SEMA5A: variants seen among roughly 807,000 people sequenced by gnomAD.
SEMA5A encodes the protein semaphorin 5A.
In SEMA5A, 55 loss-of-function variants were observed where a neutral mutation model predicts 135.5. The ratio of observed to expected loss-of-function variants is 0.41; its 90% CI spans 0.33 to 0.51. SEMA5A has a LOEUF of 0.51. Among genes scored for constraint, SEMA5A ranks in the 20% least tolerant of loss-of-function variants. SEMA5A has a pLI of 0.37. For missense variants in SEMA5A, 1,290 were observed against 1,419.9 expected (o/e 0.91, Z 1.47); for synonymous variants, 580 against 546.5 (o/e 1.06, Z -0.85).
intron 1 of SEMA5A, among the ~76,000 whole-genome samples, chr5:9,518,937 C>G (rs1736670348): frequency 6.6e-6 from 1 of 151,456 alleles, no homozygotes; most frequent in Non-Finnish European, 1.5e-5. Flanking sequence ...TTTTTTTAAG[C>G]TTGATAAGCA....
At chr5:9,535,743 T>C (rs1489916595) in intron 1 of SEMA5A, among the ~76,000 whole-genome samples, 1 of 151,928 alleles carries the variant, frequency 6.6e-6, no homozygotes, top group Non-Finnish European at 1.5e-5. Flanking sequence ...TTAAGAAGCA[T>C]AGCCTGGAAA....
chr5:9,487,186 T>C (rs1734778471), intron 1 of SEMA5A, among the ~76,000 whole-genome samples: 1 of 152,146 alleles, frequency 6.6e-6, no homozygotes, highest in Non-Finnish European at 1.5e-5. Context: ...AATCAAAAAA[T>C]TAATAACAAT....
chr5:9,193,878 C>A (rs538149480), intron 10 of SEMA5A, among the ~76,000 whole-genome samples: 3 of 152,320 alleles, frequency 2.0e-5, no homozygotes, highest in Admixed American at 6.5e-5. Context: ...GCCTGGGCAA[C>A]AGAGCAAGAC....
chr5:9,117,542 G>C (rs1380139862), intron 15 of SEMA5A, among the ~76,000 whole-genome samples: 1 of 152,118 alleles, frequency 6.6e-6, no homozygotes, highest in African/African-American at 2.4e-5. Flanking sequence ...ATACACAAAG[G>C]CTGGATGTAG....
chr5:9,485,272 AGATGTGTTTAAC>A (rs1264920066), intron 1 of SEMA5A, among the ~76,000 whole-genome samples: 2 of 151,018 alleles, frequency 1.3e-5, no homozygotes, highest in East Asian at 3.9e-4. Context: ...AAAAAAAAAT[AGATGTGTTTAAC>A]GAGAAATTTC....
intron 12 of SEMA5A, among the ~76,000 whole-genome samples, chr5:9,154,109 G>A (rs1381066665): frequency 7.8e-6 from 1 of 127,714 alleles, no homozygotes; most frequent in Non-Finnish European, 1.7e-5. Context: ...GTGTGTGTAT[G>A]TGTGTGTATG....
chr5:9,541,173 T>G (rs1738063247), intron 1 of SEMA5A, among the ~76,000 whole-genome samples: 2 of 152,206 alleles, frequency 1.3e-5, no homozygotes, highest in African/African-American at 2.4e-5. Flanking sequence ...TTACTTAATT[T>G]CACGTCTCAA....
At chr5:9,182,188 G>T (rs1319431782) in intron 11 of SEMA5A, among the ~76,000 whole-genome samples, 1 of 147,082 alleles carries the variant, frequency 6.8e-6, no homozygotes, top group Non-Finnish European at 1.5e-5. Flanking sequence ...CTGAGGACAG[G>T]GTGTCTGTCT....
Position 9,448,442 on chromosome 5 carries a change from T to A in SEMA5A, c.-174-10590A>T, listed in dbSNP as rs1758513300. 3.3e-5 allele frequency among the ~76,000 whole-genome samples: 5 copies of A among 152,136 alleles called. No individual in the cohort carries two copies. In the South Asian group the frequency reaches 1.0e-3, roughly 32 times the overall value. On this transcript the variant is annotated intron_variant, in intron 1 of 22. Coordinates refer to ENST00000382496, the MANE Select transcript of SEMA5A (RefSeq NM_003966.3). The stretch of plus-strand genomic sequence containing the variant: ...CACATGGTAAACCCCTAGCAGGGAG[T>A]TAGCCCCGCCCCTTCTGCCTACCCC...
intron 13 of SEMA5A, among the ~76,000 whole-genome samples, chr5:9,126,556 C>CA (rs112437159): frequency 0.24 from 32,134 of 136,388 alleles, 4,297 homozygotes; most frequent in Non-Finnish European, 0.34. Context: ...GGAATGACAG[C>CA]AAAAAAAAAA....
chr5:9,043,146 T>A (rs936682044), intron 22 of SEMA5A, 130 bp from the exon 23 acceptor site: 2 of 836,668 alleles, frequency 2.4e-6, no homozygotes, highest in Non-Finnish European at 3.6e-6. Flanking sequence ...ATATGTTTTC[T>A]TATTTATTTG....
intron 6 of SEMA5A, among the ~76,000 whole-genome samples, chr5:9,235,988 T>C (rs1337327815): frequency 2.6e-5 from 4 of 152,280 alleles, no homozygotes; most frequent in Admixed American, 6.5e-5. Flanking sequence ...ACGTCTTACA[T>C]GGCAGCAGGC....
chr5:9,501,953 AC>A, intron 1 of SEMA5A, among the ~76,000 whole-genome samples: 1 of 152,254 alleles, frequency 6.6e-6, no homozygotes, highest in East Asian at 1.9e-4. Context: ...AGATTGTTCT[AC>A]TGTAATTACT....
chr5:9,109,382 G>A (rs1380637939), intron 15 of SEMA5A, among the ~76,000 whole-genome samples: 1 of 152,162 alleles, frequency 6.6e-6, no homozygotes, highest in Non-Finnish European at 1.5e-5. Context: ...GAAGTGAAGT[G>A]AGGAAAGTAA....
At chr5:9,307,931 T>C (rs73742632) in intron 5 of SEMA5A, among the ~76,000 whole-genome samples, 1,756 of 151,298 alleles carry the variant, frequency 0.012, 23 homozygotes, top group African/African-American at 0.04. Flanking sequence ...TCAATTTAGT[T>C]TTTGAGGCCA....
At chr5:9,314,020 C>T (rs924131160) in intron 5 of SEMA5A, among the ~76,000 whole-genome samples, 5 of 152,174 alleles carry the variant, frequency 3.3e-5, no homozygotes, top group African/African-American at 1.2e-4. Flanking sequence ...ATAAAGGTTA[C>T]TGGTGAACTA....
chr5:9,164,587 A>C (rs1743503064), intron 11 of SEMA5A, among the ~76,000 whole-genome samples: 1 of 152,078 alleles, frequency 6.6e-6, no homozygotes, highest in African/African-American at 2.4e-5. Flanking sequence ...TGATCTAGAA[A>C]AGTCGCAGGG....
rs116006695 is a variant in SEMA5A, at chr5:9,527,157, A to G, written c.-175+18427T>C. On this transcript the variant is annotated intron_variant, in intron 1 of 22. Transcript: ENST00000382496. ...TCCTGACAGAGTGGGAGGAGTGAGCACTTACCAGGTCCCGAGTGTGCTGAG... is the reference window on the plus strand; with the variant it reads ...TCCTGACAGAGTGGGAGGAGTGAGCGCTTACCAGGTCCCGAGTGTGCTGAG... 6.1e-3 allele frequency among the ~76,000 whole-genome samples: 933 copies of G among 152,190 alleles called. 12 individuals are homozygous for G. The highest frequency in any genetic ancestry group is 0.021 in the African/African-American group (881 of 41,508).
At position 9,042,724 on chromosome 5, in the gene SEMA5A, T is replaced by G; in HGVS notation, c.*173A>C. ...GATTTTCACGATGTCTTATTTCAATTTTTGTTGCTTTTAAAGACGTGTATT... is the reference window on the plus strand; with the variant it reads ...GATTTTCACGATGTCTTATTTCAATGTTTGTTGCTTTTAAAGACGTGTATT... On this transcript the variant is annotated 3_prime_UTR_variant, in exon 23 of 23. Transcript: ENST00000382496. 1 of 668,528 alleles carries G rather than the reference T, an allele frequency of 1.5e-6. No individual in the cohort carries two copies. The highest frequency in any genetic ancestry group is 2.9e-5 in the East Asian group (1 of 34,238). The allele number at this position is 668,528 out of a possible 1,614,324, so 41.4% of individuals were successfully genotyped here. A position where few individuals can be genotyped will look rare whatever the true frequency, so the allele number is the denominator to read the frequency against.
Sources: allele counts gnomAD v4.1 joint callset (sites outside exome capture counted in the v4.1 genomes callset), GRCh38; gene constraint gnomAD v4.1.1; transcripts MANE v1.5; gene names NCBI Gene and HGNC (gene_info 2026-07-23, HGNC 2026-07-21).